Variants in HPS3 observed in about 807,000 individuals in gnomAD.
HPS3 encodes HPS3 biogenesis of lysosomal organelles complex 2 subunit 1, also known as BLOC-2 complex member HPS3.
HPS3 carries 79 observed loss-of-function variants against 110.9 expected under a neutral mutation model. That is an observed-to-expected ratio of 0.71 (90% CI 0.59 to 0.86). The LOEUF is 0.86. Among genes scored for constraint, HPS3 ranks in the 40% least tolerant of loss-of-function variants. HPS3 has a pLI of 0.00. For synonymous variants in HPS3, 428 were observed against 451.0 expected (o/e 0.95, Z 0.65); for missense variants, 1,197 against 1,206.2 (o/e 0.99, Z 0.11).
At chr3:149,170,455 C>T (rs968924818) in intron 16 of HPS3, 12 of 152,178 alleles carry the variant, frequency 7.9e-5, no homozygotes, top group African/African-American at 2.7e-4. Flanking sequence ...GTCAGATGTG[C>T]ATCATTGTAT....
Position 149,172,409 on chromosome 3 carries a change from T to C in HPS3, c.*187T>C, listed in dbSNP as rs1725096596. The C allele has an allele frequency of 7.5e-6, 4 of 532,566 alleles. No homozygotes were observed. Among genetic ancestry groups the C allele is most frequent in the Non-Finnish European group, 1.4e-5 (4 of 295,402 alleles). The allele number at this position is 532,566 out of a possible 1,614,324, so 33.0% of individuals were successfully genotyped here. A position where few individuals can be genotyped will look rare whatever the true frequency, so the allele number is the denominator to read the frequency against. ...TTACCTTACCGTGTAGTGGTAACTA[T>C]TCACTTCTTAATTTATGACCTCAAT... is the stretch of plus-strand genomic sequence containing the variant. On this transcript the variant is annotated 3_prime_UTR_variant, in exon 17 of 17. Transcript: ENST00000296051.
chr3:149,156,313 C>T (rs1471359635), intron 8 of HPS3, among the ~76,000 whole-genome samples: 6 of 152,170 alleles, frequency 3.9e-5, no homozygotes, highest in African/African-American at 1.4e-4. Flanking sequence ...ATAAATTTAA[C>T]ATTGACACAG....
At chr3:149,145,708 T>C (rs1722748754) in intron 5 of HPS3, among the ~76,000 whole-genome samples, 162 bp downstream of exon 5, 1 of 152,214 alleles carries the variant, frequency 6.6e-6, no homozygotes, top group Non-Finnish European at 1.5e-5. Context: ...TACCTGCCTT[T>C]TCAATGTCAA....
intron 7 of HPS3, among the ~76,000 whole-genome samples, chr3:149,154,410 G>A (rs553181960): frequency 6.6e-6 from 1 of 152,334 alleles, no homozygotes; most frequent in Admixed American, 6.5e-5. Context: ...GGAATCAGAG[G>A]TTGACTTTGG....
At chr3:149,170,739 G>T (rs1724890620) in intron 16 of HPS3, among the ~76,000 whole-genome samples, 3 of 152,184 alleles carry the variant, frequency 2.0e-5, no homozygotes, top group Admixed American at 2.0e-4. Flanking sequence ...TTGGACAGAT[G>T]ACTTTGGAAT....
chr3:149,164,576 G>A (rs950093313), intron 14 of HPS3, among the ~76,000 whole-genome samples: 8 of 152,170 alleles, frequency 5.3e-5, no homozygotes, highest in Admixed American at 2.0e-4. Context: ...CCCAAAGAAC[G>A]AATATAATTC....
rs1206458623 is a variant in HPS3 at position 149,145,290 on chromosome 3, A to G, written c.971-64A>G. On this transcript the variant is annotated intron_variant, in intron 4 of 16. Coordinates refer to ENST00000296051, the MANE Select transcript of HPS3 (RefSeq NM_032383.5). ...ACAGTTTGCATAGCAAAGTCAATAT[A>G]TGATTATTTCCCCCTTTATTTACTG... The G allele has an allele frequency of 1.3e-5, 16 of 1,261,838 alleles. 2 individuals carry two copies. The South Asian group carries it at 1.3e-4, about 10-fold the overall frequency. The allele number at this position is 1,261,838 out of a possible 1,614,324, so 78.2% of individuals were successfully genotyped here. A position where few individuals can be genotyped will look rare whatever the true frequency, so the allele number is the denominator to read the frequency against.
At chr3:149,133,989 A>T (rs7616891) in intron 1 of HPS3, among the ~76,000 whole-genome samples, 4,479 of 136,664 alleles carry the variant, frequency 0.033, 156 homozygotes, top group African/African-American at 0.1. Context: ...GTTTTTTTTT[A>T]AAAAAAATGA....
chr3:149,135,219 C>A (rs1329356061), intron 1 of HPS3, among the ~76,000 whole-genome samples: 3 of 152,060 alleles, frequency 2.0e-5, no homozygotes, highest in Non-Finnish European at 1.5e-5. Context: ...AGGGAGAAAG[C>A]AGGTAGAAAT....
rs1723287832 is a variant in HPS3 at position 149,153,925 on chromosome 3, T to C, written c.1400+277T>C. On this transcript the variant is annotated intron_variant, in intron 7 of 16. Transcript: ENST00000296051. ...TTAAAGGCCATGCTTTTCTGTGTAA[T>C]TAATGAGAAAGACTGAGCCTATAAT... is the stretch of plus-strand genomic sequence containing the variant. 2.9e-5 allele frequency: 13 copies of C among 445,204 alleles called. No homozygotes were observed. The South Asian group carries it at 3.3e-4, about 11-fold the overall frequency. The allele number at this position is 445,204 out of a possible 1,614,324, so 27.6% of individuals were successfully genotyped here. A position where few individuals can be genotyped will look rare whatever the true frequency, so the allele number is the denominator to read the frequency against.
intron 8 of HPS3, 149 bp from the exon 9 acceptor site, chr3:149,157,201 C>A: frequency 1.4e-6 from 1 of 729,612 alleles, no homozygotes; most frequent in Non-Finnish European, 2.3e-6. Context: ...AAGCCCTTGT[C>A]AGAATGGTGA....
chr3:149,167,238 C>G lies in HPS3; in HGVS notation c.2794C>G (p.Arg932Gly), dbSNP rs374197403. Residue 932 changes from arginine (R) to glycine (G), a missense_variant and splice_region_variant, in exon 15 of 17, where the codon CGG becomes GGG. Transcript: ENST00000296051. ...YANHELKEEN[R>G]TLWWKKLLPE... ...TAATCATGAACTGAAAGAAGAGAAC[C>G]GGGTATGCTTTTTCAGATTATGTTT... 5.6e-6 allele frequency: 9 copies of G among 1,609,852 alleles called. No individual in the cohort carries two copies. The highest frequency in any genetic ancestry group is 7.6e-6 in the Non-Finnish European group (9 of 1,177,320).
chr3:149,169,002 A>G (rs1479937938), intron 16 of HPS3, among the ~76,000 whole-genome samples: 1 of 151,468 alleles, frequency 6.6e-6, no homozygotes, highest in Non-Finnish European at 1.5e-5. Context: ...CAAATGTTGC[A>G]TTTTTCTCTG....
intron 1 of HPS3, among the ~76,000 whole-genome samples, chr3:149,131,591 C>T (rs1381496880): frequency 6.6e-6 from 1 of 152,178 alleles, no homozygotes; most frequent in Non-Finnish European, 1.5e-5. Context: ...GATTACTGCT[C>T]TGATCGTCTC....
At chr3:149,143,052 C>T (rs1436429765) in intron 4 of HPS3, among the ~76,000 whole-genome samples, 1 of 152,154 alleles carries the variant, frequency 6.6e-6, no homozygotes, top group East Asian at 1.9e-4. Context: ...AGAAGCAAAA[C>T]TAAGGGGGCT....
intron 12 of HPS3, 107 bp downstream of exon 12, chr3:149,162,440 AACAG>A: frequency 2.8e-6 from 3 of 1,088,460 alleles, no homozygotes; most frequent in Non-Finnish European, 1.4e-6. Context: ...TTATTGAAAA[AACAG>A]ACATACATAA....
At position 149,172,528 on chromosome 3, in the gene HPS3, C is replaced by G. The variant is rs964334168; in HGVS notation, c.*306C>G. The G allele has an allele frequency of 3.4e-5, 9 of 268,550 alleles. No homozygotes were observed. Among genetic ancestry groups the G allele is most frequent in the African/African-American group, 2.0e-4 (9 of 44,954 alleles). 16.6% of individuals were successfully genotyped at this position (268,550 alleles called of 1,614,324 possible). On this transcript the variant is annotated 3_prime_UTR_variant, in exon 17 of 17. Coordinates refer to ENST00000296051, the MANE Select transcript of HPS3 (RefSeq NM_032383.5). ...TTAAGGTGGGGATTGACTTTTATTC[C>G]AAGGAACAACATCAGTTCACTGTTG...
intron 1 of HPS3, among the ~76,000 whole-genome samples, chr3:149,135,854 C>G (rs1214394392): frequency 6.6e-6 from 1 of 152,012 alleles, no homozygotes; most frequent in Non-Finnish European, 1.5e-5. Flanking sequence ...TAAACCAGCC[C>G]CAGCCCATCT....
intron 10 of HPS3, among the ~76,000 whole-genome samples, 157 bp from the exon 11 acceptor site, chr3:149,159,889 C>T (rs1559920539): frequency 6.6e-6 from 1 of 152,144 alleles, no homozygotes; most frequent in Non-Finnish European, 1.5e-5. Context: ...GTATTAGTAT[C>T]AGTTTTTGTC....
Sources: allele counts gnomAD v4.1 joint callset (sites outside exome capture counted in the v4.1 genomes callset), GRCh38; gene constraint gnomAD v4.1.1; transcripts MANE v1.5; gene names NCBI Gene and HGNC (gene_info 2026-07-23, HGNC 2026-07-21).